ANKS1B: variants seen among roughly 807,000 people sequenced by gnomAD.
The protein encoded by ANKS1B is ankyrin repeat and sterile alpha motif domain-containing protein 1B.
A neutral mutation model predicts 148.3 loss-of-function variants in ANKS1B; 36 were observed. That is an observed-to-expected ratio of 0.24 (90% CI 0.19 to 0.32). The LOEUF is 0.32. ANKS1B is among the 10% of genes least tolerant of loss of function. ANKS1B has a pLI of 1.00. For synonymous variants in ANKS1B, 542 were observed against 560.8 expected, an observed-to-expected ratio of 0.97 and a Z score of 0.47; for missense variants, 1,157 against 1,542.6, an observed-to-expected ratio of 0.75 and a Z score of 4.19.
intron 12 of ANKS1B, among the ~76,000 whole-genome samples, chr12:99,393,320 G>T (rs578077379): frequency 1.3e-5 from 2 of 152,276 alleles, no homozygotes; most frequent in African/African-American, 4.8e-5. Flanking sequence ...ACACATAGTG[G>T]CCATGTGCAG....
At chr12:99,709,819 G>T (rs1238328706) in intron 8 of ANKS1B, among the ~76,000 whole-genome samples, 2 of 152,072 alleles carry the variant, frequency 1.3e-5, no homozygotes, top group African/African-American at 4.8e-5. Context: ...CCCATTTAGT[G>T]ATGACATCAC....
At chr12:99,454,422 G>A (rs2724188) in intron 10 of ANKS1B, among the ~76,000 whole-genome samples, 46,000 of 151,950 alleles carry the variant, frequency 0.3, 7,864 homozygotes, top group African/African-American at 0.48. Context: ...GCAGCTTCAA[G>A]CCAATAAGAA....
intron 1 of ANKS1B, among the ~76,000 whole-genome samples, chr12:99,867,312 C>T (rs1035551058): frequency 6.6e-6 from 1 of 152,074 alleles, no homozygotes; most frequent in Non-Finnish European, 1.5e-5. Context: ...TCCTATAAGA[C>T]AACTTTTTGT....
chr12:99,374,403 A>G (rs73151123), intron 12 of ANKS1B, among the ~76,000 whole-genome samples: 19,030 of 152,092 alleles, frequency 0.13, 1,260 homozygotes, highest in African/African-American at 0.17. Context: ...TGGTGTGTCT[A>G]CAGGGTCCCA....
At position 98,905,343 on chromosome 12, in the gene ANKS1B, C is replaced by T. The variant is rs748077810; in HGVS notation, c.2779-73207G>A. Among the ~76,000 whole-genome samples the T allele has an allele frequency of 1.4e-4, 21 of 152,158 alleles. 1 individual carries two copies. Among genetic ancestry groups the T allele is most frequent in the South Asian group, 4.1e-4 (2 of 4,828 alleles). On this transcript the variant is annotated intron_variant, in intron 17 of 26. Coordinates refer to ENST00000683438, the MANE Select transcript of ANKS1B (RefSeq NM_001352186.2). ...CGTTCTTTCCTTCAAAGGAACGCAC[C>T]CAACCTAATGCTTGTGGTGGCGCCT...
chr12:98,791,223 T>C (rs2098846808), intron 22 of ANKS1B, among the ~76,000 whole-genome samples: 2 of 151,748 alleles, frequency 1.3e-5, no homozygotes, highest in Non-Finnish European at 2.9e-5. Flanking sequence ...CGGATGCCTG[T>C]AGTCCCAGCT....
At chr12:99,735,293 A>G (rs1176854722) in intron 8 of ANKS1B, among the ~76,000 whole-genome samples, 6 of 152,192 alleles carry the variant, frequency 3.9e-5, no homozygotes, top group Non-Finnish European at 7.3e-5. Flanking sequence ...AATGAAATAG[A>G]GACCACAAAA....
intron 4 of ANKS1B, among the ~76,000 whole-genome samples, chr12:99,785,019 T>C (rs1230251357): frequency 6.6e-6 from 1 of 152,138 alleles, no homozygotes; most frequent in East Asian, 1.9e-4. Flanking sequence ...CAAAGTACTT[T>C]GAAAATATAG....
At chr12:99,095,525 C>G (rs59742104) in intron 15 of ANKS1B, among the ~76,000 whole-genome samples, 1 of 152,140 alleles carries the variant, frequency 6.6e-6, no homozygotes, top group African/African-American at 2.4e-5. Flanking sequence ...CATTGGATAC[C>G]TGGAGGCAGG....
chr12:99,777,565 G>GT (rs1170935230), intron 6 of ANKS1B, among the ~76,000 whole-genome samples: 1 of 151,762 alleles, frequency 6.6e-6, no homozygotes, highest in Non-Finnish European at 1.5e-5. Context: ...CTTCAGTTTT[G>GT]TTTTTTTGTT....
At chr12:99,458,455 CA>C (rs1232620882) in intron 10 of ANKS1B, among the ~76,000 whole-genome samples, 1 of 138,888 alleles carries the variant, frequency 7.2e-6, no homozygotes, top group Non-Finnish European at 1.6e-5. Flanking sequence ...AAAAAAAATA[CA>C]AAAGATAAAC....
chr12:99,675,183 T>C (rs1488822573), intron 8 of ANKS1B, among the ~76,000 whole-genome samples: 1 of 151,988 alleles, frequency 6.6e-6, no homozygotes, highest in East Asian at 1.9e-4. Context: ...TAAAGAATCT[T>C]TAAAAAGTTT....
intron 15 of ANKS1B, among the ~76,000 whole-genome samples, chr12:99,108,484 AG>A (rs2059664845): frequency 6.6e-6 from 1 of 152,232 alleles, no homozygotes; most frequent in Non-Finnish European, 1.5e-5. Context: ...CCCTGAAGAA[AG>A]AATGGGGTTC....
At chr12:99,744,266 C>A (rs77392823) in intron 8 of ANKS1B, among the ~76,000 whole-genome samples, 4,287 of 152,242 alleles carry the variant, frequency 0.028, 205 homozygotes, top group African/African-American at 0.098. Context: ...TTTTGAGAGT[C>A]AATCACATGA....
chr12:99,076,717 C>G (rs920187159), intron 16 of ANKS1B, among the ~76,000 whole-genome samples: 1 of 152,148 alleles, frequency 6.6e-6, no homozygotes, highest in South Asian at 2.1e-4. Flanking sequence ...CTGAGTTCTT[C>G]CCTGTTTAGA....
chr12:99,803,408 T>C (rs1567877689), intron 4 of ANKS1B, among the ~76,000 whole-genome samples: 1 of 151,650 alleles, frequency 6.6e-6, no homozygotes, highest in Non-Finnish European at 1.5e-5. Flanking sequence ...CATTGAGATA[T>C]ATTTTAGAAA....
chr12:98,888,605 G>C (rs1226324306), intron 17 of ANKS1B, among the ~76,000 whole-genome samples: 1 of 152,206 alleles, frequency 6.6e-6, no homozygotes, highest in Non-Finnish European at 1.5e-5. Context: ...ACTGCTCTCT[G>C]TCCCCCACAC....
chr12:99,612,913 G>T (rs1450363790), intron 9 of ANKS1B, among the ~76,000 whole-genome samples: 1 of 152,080 alleles, frequency 6.6e-6, no homozygotes, highest in African/African-American at 2.4e-5. Context: ...CCCAATGAGG[G>T]AGCTACAAAA....
chr12:99,243,132 C>G (rs1181235257), intron 14 of ANKS1B, among the ~76,000 whole-genome samples: 1 of 152,116 alleles, frequency 6.6e-6, no homozygotes, highest in African/African-American at 2.4e-5. Flanking sequence ...ACCCATCTGA[C>G]AAAGGGTTAA....
Sources: allele counts gnomAD v4.1 joint callset (sites outside exome capture counted in the v4.1 genomes callset), GRCh38; gene constraint gnomAD v4.1.1; transcripts MANE v1.5; gene names NCBI Gene and HGNC (gene_info 2026-07-23, HGNC 2026-07-21).